POC1B: variants seen among roughly 807,000 people sequenced by gnomAD.
POC1B encodes the protein POC1 centriolar protein B.
In POC1B, 44 loss-of-function variants were observed where a neutral mutation model predicts 60.6. The ratio of observed to expected loss-of-function variants is 0.73; its 90% CI spans 0.57 to 0.93. The LOEUF (loss-of-function observed/expected upper bound fraction) is 0.93, where lower values mean the gene tolerates loss of function less well. Ranked by LOEUF, POC1B falls within the 40% of genes least tolerant of loss-of-function variation. The pLI, the probability that POC1B is intolerant of heterozygous loss-of-function variation, is 0.00. For missense variants in POC1B, 555 were observed against 572.3 expected, an observed-to-expected ratio of 0.97 and a Z score of 0.31; for synonymous variants, 180 against 198.9, an observed-to-expected ratio of 0.90 and a Z score of 0.80.
intron 10 of POC1B, among the ~76,000 whole-genome samples, chr12:89,433,070 C>A (rs573169050): frequency 6.6e-6 from 1 of 152,192 alleles, no homozygotes; most frequent in South Asian, 2.1e-4. Context: ...GTCCTTCGGA[C>A]CCTGACATGA....
chr12:89,426,811 A>C (rs1880784193), intron 10 of POC1B: 1 of 151,752 alleles, frequency 6.6e-6, no homozygotes, highest in South Asian at 2.1e-4. Flanking sequence ...GTGACAGACC[A>C]AGGCCATGTT....
At chr12:89,471,765 T>TGTC (rs1347840112) in intron 5 of POC1B, 36 bp from the exon 6 acceptor site, 11 of 1,202,768 alleles carry the variant, frequency 9.1e-6, no homozygotes, top group Non-Finnish European at 1.3e-5. Flanking sequence ...AATATTTCAA[T>TGTC]TTCTTTTTTT....
At chr12:89,514,532 C>T (rs1870356704) in intron 2 of POC1B, among the ~76,000 whole-genome samples, 1 of 149,422 alleles carries the variant, frequency 6.7e-6, no homozygotes, top group Admixed American at 6.7e-5. Flanking sequence ...CCTCAGTCTC[C>T]CAAGTAGCTG....
chr12:89,423,709 T>C (rs1880640689), intron 11 of POC1B, among the ~76,000 whole-genome samples: 1 of 152,240 alleles, frequency 6.6e-6, no homozygotes, highest in South Asian at 2.1e-4. Flanking sequence ...GCAAGTGTGT[T>C]GTGCCTGCTT....
At chr12:89,440,845 C>A (rs1317664836) in intron 10 of POC1B, among the ~76,000 whole-genome samples, 1 of 152,230 alleles carries the variant, frequency 6.6e-6, no homozygotes, top group Non-Finnish European at 1.5e-5. Flanking sequence ...GCGATGGGGT[C>A]AGGGAATTCC....
At chr12:89,500,519 G>A in intron 2 of POC1B, 1 of 1,603,204 alleles carries the variant, frequency 6.2e-7, no homozygotes, top group Non-Finnish European at 8.5e-7. Context: ...AAACATAAAT[G>A]ATCATCACAG....
At chr12:89,414,848 C>T (rs1198151752), downstream of POC1B, among the ~76,000 whole-genome samples, 1 of 152,178 alleles carries the variant, frequency 6.6e-6, no homozygotes, top group Non-Finnish European at 1.5e-5. Flanking sequence ...ATTCATGGGA[C>T]TAACAGCCTC....
At chr12:89,456,508 C>T (rs1299862539) in intron 10 of POC1B, among the ~76,000 whole-genome samples, 1 of 151,964 alleles carries the variant, frequency 6.6e-6, no homozygotes, top group African/African-American at 2.4e-5. Context: ...TTAAAAGACT[C>T]AAATGGAATC....
chr12:89,415,355 CA>C (rs1205805127), downstream of POC1B, among the ~76,000 whole-genome samples: 6 of 152,136 alleles, frequency 3.9e-5, no homozygotes, highest in African/African-American at 1.4e-4. Flanking sequence ...TTATTAATAA[CA>C]ATAATAGCCG....
intron 4 of POC1B, among the ~76,000 whole-genome samples, chr12:89,482,296 G>A (rs936631127): frequency 6.6e-6 from 1 of 152,042 alleles, no homozygotes; most frequent in Non-Finnish European, 1.5e-5. Flanking sequence ...TAAGCACAGG[G>A]AGAAAAAATG....
chr12:89,418,128 G>A (rs768879255), downstream of POC1B, among the ~76,000 whole-genome samples: 8 of 152,060 alleles, frequency 5.3e-5, no homozygotes, highest in Non-Finnish European at 1.0e-4. Context: ...GTGAATGGAG[G>A]GTCACTTGGG....
At chr12:89,523,433 G>A in intron 2 of POC1B, 1 of 1,613,996 alleles carries the variant, frequency 6.2e-7, no homozygotes, top group Non-Finnish European at 8.5e-7. Flanking sequence ...AGGAAATTGG[G>A]GCGAGCATAT....
intron 4 of POC1B, among the ~76,000 whole-genome samples, chr12:89,491,694 C>T (rs876555): frequency 0.52 from 78,980 of 151,032 alleles, 20,986 homozygotes; most frequent in African/African-American, 0.61. Context: ...GCTCTTTCTC[C>T]ATAGTGCTTA....
chr12:89,464,982 T>C (rs1182116916), intron 9 of POC1B, among the ~76,000 whole-genome samples: 9 of 152,118 alleles, frequency 5.9e-5, no homozygotes, highest in Non-Finnish European at 1.2e-4. Flanking sequence ...ACACAGAGGC[T>C]GACTACCTTA....
At chr12:89,493,465 A>G (rs1869087592) in intron 3 of POC1B, among the ~76,000 whole-genome samples, 1 of 152,240 alleles carries the variant, frequency 6.6e-6, no homozygotes, top group South Asian at 2.1e-4. Context: ...TAGGGAGGAA[A>G]GGTAACTTTA....
the POC1B span, among the ~76,000 whole-genome samples, chr12:89,401,539 C>G: frequency 6.7e-6 from 1 of 149,180 alleles, no homozygotes; most frequent in African/African-American, 2.5e-5. Context: ...CTTCTTTAGA[C>G]TCACCCAGAT....
chr12:89,410,823 C>T, the POC1B span, among the ~76,000 whole-genome samples: 4 of 152,262 alleles, frequency 2.6e-5, no homozygotes, highest in South Asian at 4.2e-4. Flanking sequence ...AAAGAAGAAG[C>T]CAAATTATCT....
chr12:89,514,677 G>C (rs986322592), intron 2 of POC1B, among the ~76,000 whole-genome samples: 8 of 151,770 alleles, frequency 5.3e-5, no homozygotes, highest in Admixed American at 2.0e-4. Flanking sequence ...CAAAGTGCTG[G>C]GATTGCAGGC....
intron 10 of POC1B, among the ~76,000 whole-genome samples, chr12:89,441,272 T>A (rs1030682159): frequency 2.6e-5 from 4 of 152,162 alleles, no homozygotes; most frequent in Non-Finnish European, 5.9e-5. Context: ...AGTAGTGGTT[T>A]TCCCAGCACA....
Sources: allele counts gnomAD v4.1 joint callset (sites outside exome capture counted in the v4.1 genomes callset), GRCh38; gene constraint gnomAD v4.1.1; transcripts MANE v1.5; gene names NCBI Gene and HGNC (gene_info 2026-07-23, HGNC 2026-07-21).